CNOT1: variants seen among roughly 807,000 people sequenced by gnomAD.
CNOT1 encodes the protein CCR4-associated factor 1.
Under a neutral mutation model 273.8 loss-of-function variants are expected in CNOT1, and 15 were observed. The observed-to-expected ratio is 0.05, with a 90% CI of 0.04 to 0.08. The LOEUF (loss-of-function observed/expected upper bound fraction) is 0.08. Ranked by LOEUF, CNOT1 falls within the 10% of genes least tolerant of loss-of-function variation. The pLI is 1.00. For synonymous variants in CNOT1, 1,022 were observed against 1,005.5 expected, an observed-to-expected ratio of 1.02 and a Z score of -0.31; for missense variants, 1,644 against 2,912.2, an observed-to-expected ratio of 0.56 and a Z score of 10.02.
intron 39 of CNOT1, among the ~76,000 whole-genome samples, chr16:58,535,799 T>C (rs1427177534): frequency 1.3e-5 from 2 of 151,938 alleles, no homozygotes; most frequent in African/African-American, 4.8e-5. Context: ...AGTGGTGCAA[T>C]CTCGGCTCAC....
rs894051149 is a variant in CNOT1 at position 58,587,478 on chromosome 16, ATC to A, written c.310-67_310-66del. ...TTTTTCAAGAAGTTTTTAACAACCT[ATC>A]TGTTTGCCCAAGGATGGCACTACAT... is the stretch of plus-strand genomic sequence containing the variant. On this transcript the variant is annotated intron_variant, in intron 4 of 48. Transcript: ENST00000317147. 1.9e-6 allele frequency: 3 copies of A among 1,600,916 alleles called. No homozygotes were observed. The African/African-American group carries it at 4.0e-5, about 22-fold the overall frequency.
intron 16 of CNOT1, among the ~76,000 whole-genome samples, chr16:58,569,780 A>C (rs886866455): frequency 6.6e-6 from 1 of 150,900 alleles, no homozygotes; most frequent in Non-Finnish European, 1.5e-5. Flanking sequence ...CACCACAAAC[A>C]TAATGGGAGT....
At chr16:58,572,357 G>A (rs985144137) in intron 16 of CNOT1, among the ~76,000 whole-genome samples, 4 of 152,128 alleles carry the variant, frequency 2.6e-5, no homozygotes, top group African/African-American at 9.7e-5. Context: ...TAGGCCAGGT[G>A]CAGTAGCTCA....
intron 30 of CNOT1, 58 bp downstream of exon 30, chr16:58,545,303 A>G (rs539361568): frequency 7.5e-6 from 12 of 1,593,768 alleles, no homozygotes; most frequent in Non-Finnish European, 1.0e-5. Flanking sequence ...AAGGTGGCCA[A>G]ACAAAATTTA....
rs764659124 is a variant in CNOT1 at position 58,543,494 on chromosome 16, T to C, written c.4434+113A>G. ...GATGGAAGACATCAAACAAATATGGTGATTATTAAGAATAAGTGGTAACGC... is the reference window on the plus strand; with the variant it reads ...GATGGAAGACATCAAACAAATATGGCGATTATTAAGAATAAGTGGTAACGC... On this transcript the variant is annotated intron_variant, in intron 31 of 48. Transcript: ENST00000317147. 2.6e-6 allele frequency: 4 copies of C among 1,542,304 alleles called. No individual in the cohort carries two copies. In the East Asian group the frequency reaches 9.5e-5, roughly 37 times the overall value.
At chr16:58,583,225 A>C in intron 8 of CNOT1, 43 bp from the exon 9 acceptor site, 1 of 1,595,432 alleles carries the variant, frequency 6.3e-7, no homozygotes, top group Non-Finnish European at 8.5e-7. Context: ...ACCAGCCTCA[A>C]CACCGAGATT....
chr16:58,580,486 C>A, intron 12 of CNOT1, 147 bp downstream of exon 12: 1 of 1,260,556 alleles, frequency 7.9e-7, no homozygotes, highest in East Asian at 3.0e-5. Context: ...ATCTACCAAC[C>A]CCCTCTATAA....
At chr16:58,528,005 T>TAAAAA in intron 44 of CNOT1, 2 of 357,176 alleles carry the variant, frequency 5.6e-6, no homozygotes, top group East Asian at 8.2e-5. Context: ...CCCAGCTACT[T>TAAAAA]GGGAGGCTGA....
intron 31 of CNOT1, 47 bp from the exon 32 acceptor site, chr16:58,542,615 G>T: frequency 3.2e-6 from 5 of 1,583,330 alleles, no homozygotes; most frequent in Non-Finnish European, 3.4e-6. Context: ...GAAGGAAAAA[G>T]ACTTGAAAGT....
At position 58,543,835 on chromosome 16, in the gene CNOT1, C is replaced by T; in HGVS notation, c.4206G>A (p.Gln1402=). ...CVRQAIERAV[Q]ELVHPVVDRS... is the part of the protein sequence containing the mutation. ...GATCCACCACAGGATGGACCAGCTCCTGGACAGCCCGTTCAATTGCCTGAC... is the reference window on the plus strand; with the variant it reads ...GATCCACCACAGGATGGACCAGCTCTTGGACAGCCCGTTCAATTGCCTGAC... The change falls in exon 31 of 49, where the codon CAG becomes CAA. Residue 1402 remains glutamine (Q), a synonymous_variant. Coordinates refer to ENST00000317147, the MANE Select transcript of CNOT1 (RefSeq NM_016284.5). The T allele has an allele frequency of 6.2e-7, 1 of 1,614,112 alleles. No homozygotes were observed. Among genetic ancestry groups the T allele is most frequent in the Non-Finnish European group, 8.5e-7 (1 of 1,180,018 alleles).
At position 58,560,284 on chromosome 16, in the gene CNOT1, T is replaced by C. The variant is rs1187005786; in HGVS notation, c.2058A>G (p.Gln686=). The C allele has an allele frequency of 2.5e-6, 4 of 1,614,092 alleles. No individual in the cohort carries two copies. Among genetic ancestry groups the C allele is most frequent in the Non-Finnish European group, 3.4e-6 (4 of 1,180,042 alleles). ...CTTTTGGCATAACTCCAGGTGGTGGTTGTCTGGCCTTATTCATAACATTAC... is the reference window on the plus strand; with the variant it reads ...CTTTTGGCATAACTCCAGGTGGTGGCTGTCTGGCCTTATTCATAACATTAC... The part of the protein sequence containing the change: ...NCSNVMNKAR[Q]PPPGVMPKGR... Residue 686 remains glutamine (Q), a synonymous_variant, in exon 17 of 49, where the codon CAA becomes CAG. Coordinates refer to ENST00000317147, the MANE Select transcript of CNOT1 (RefSeq NM_016284.5).
chr16:58,575,249 T>C (rs750590318), intron 14 of CNOT1, 120 bp from the exon 15 acceptor site: 3 of 1,396,936 alleles, frequency 2.1e-6, no homozygotes, highest in Non-Finnish European at 2.9e-6. Flanking sequence ...TAATACTTCC[T>C]TGGTCACAAT....
rs1372028948 is a variant in CNOT1, at chr16:58,520,997, C to G, written c.7092G>C (p.Lys2364Asn). ...TCCCTTCCATTACTTGCTGGGCCTG[C>G]TTCTGTCCCATGCAGCACTGTGCGA... ...QSVAQCCMGQ[K>N]QAQQVMEGTG... The change falls in exon 49 of 49, where the codon AAG (lysine) becomes AAC (asparagine). Residue 2364 changes from lysine to asparagine, a missense_variant. This residue lies in a region of CNOT1 where 140 missense variants were observed against 324.6 expected (regional missense o/e 0.43). Transcript: ENST00000317147. 1.2e-6 allele frequency: 2 copies of G among 1,614,060 alleles called. No homozygotes were observed. Among genetic ancestry groups the G allele is most frequent in the Non-Finnish European group, 1.7e-6 (2 of 1,180,036 alleles).
chr16:58,546,868 A>G lies in CNOT1; in HGVS notation c.3751-119T>C, dbSNP rs187406932. 251 of 1,287,160 alleles carry G rather than the reference A, an allele frequency of 2.0e-4. No homozygotes were observed. In the African/African-American group the frequency reaches 3.0e-3, roughly 16 times the overall value. The allele number at this position is 1,287,160 out of a possible 1,614,324, so 79.7% of individuals were successfully genotyped here. A position where few individuals can be genotyped will look rare whatever the true frequency, so the allele number is the denominator to read the frequency against. ...GAGTCAAACAAATAAAAAACAAAAA[A>G]CAAGGATTAAAAAATAACCAAAAAC... On this transcript the variant is annotated intron_variant, in intron 27 of 48. Transcript: ENST00000317147.
At position 58,534,344 on chromosome 16, in the gene CNOT1, G is replaced by C. The variant is rs868412977; in HGVS notation, c.5698C>G (p.Arg1900Gly). The change falls in exon 40 of 49, where the codon CGT becomes GGT. Residue 1900 changes from arginine (R) to glycine (G), a missense_variant. Physicochemically the swap from Arg to Gly is moderately radical, Grantham distance 125 (BLOSUM62 -2). Transcript: ENST00000317147. Reference protein sequence around the residue: ...KTDDLITRFFRLCTEMCVEIS... With the variant: ...KTDDLITRFFGLCTEMCVEIS... The stretch of plus-strand genomic sequence containing the variant: ...TCAACACACATTTCAGTACACAGAC[G>C]AAAGAACCTTGTTATGAGATCATCG... 1 of 1,614,110 alleles carries C rather than the reference G, an allele frequency of 6.2e-7. No homozygotes were observed. Among genetic ancestry groups the C allele is most frequent in the Non-Finnish European group, 8.5e-7 (1 of 1,180,022 alleles).
intron 1 of CNOT1, among the ~76,000 whole-genome samples, chr16:58,617,100 G>C (rs9302701): frequency 0.75 from 114,495 of 152,160 alleles, 43,490 homozygotes; most frequent in Middle Eastern, 0.86. Flanking sequence ...AGGGCTCACG[G>C]CTGTAATGCC....
At chr16:58,524,355 A>AT (rs895560482) in intron 46 of CNOT1, among the ~76,000 whole-genome samples, 13 of 151,890 alleles carry the variant, frequency 8.6e-5, no homozygotes, top group African/African-American at 3.1e-4. Context: ...CTACACTGGA[A>AT]TAAGTATTAT....
chr16:58,608,829 C>G (rs2042785572), intron 1 of CNOT1, among the ~76,000 whole-genome samples: 1 of 152,092 alleles, frequency 6.6e-6, no homozygotes, highest in Non-Finnish European at 1.5e-5. Flanking sequence ...CTGGATGAGA[C>G]TAGAGACTAT....
chr16:58,531,092 G>A (rs1379125549), intron 42 of CNOT1, among the ~76,000 whole-genome samples: 1 of 152,102 alleles, frequency 6.6e-6, no homozygotes, highest in Non-Finnish European at 1.5e-5. Context: ...TTCAGTCCAC[G>A]ACATGAATTC....
Sources: allele counts gnomAD v4.1 joint callset (sites outside exome capture counted in the v4.1 genomes callset), GRCh38; gene constraint gnomAD v4.1.1; regional missense constraint gnomAD v4.1.1; transcripts MANE v1.5; gene names NCBI Gene and HGNC (gene_info 2026-07-23, HGNC 2026-07-21).